Variants in SGCG observed in about 807,000 individuals in gnomAD.
SGCG encodes gamma-sarcoglycan.
SGCG carries 26 observed loss-of-function variants against 29.3 expected under a neutral mutation model. The observed-to-expected ratio is 0.89, with a 90% CI of 0.65 to 1.23. The LOEUF is 1.23. Ranked by LOEUF, SGCG falls within the 50% of genes most tolerant of loss-of-function variation. SGCG has a pLI of 0.00. For missense variants in SGCG, 353 were observed against 356.0 expected (o/e 0.99, Z 0.07); for synonymous variants, 145 against 129.7 (o/e 1.12, Z -0.80).
intron 4 of SGCG, among the ~76,000 whole-genome samples, chr13:23,261,362 G>A (rs1025650737): frequency 2.0e-5 from 3 of 151,936 alleles, no homozygotes; most frequent in Non-Finnish European, 4.4e-5. Flanking sequence ...ACTATAAAAT[G>A]CAGTGGAAAG....
At chr13:23,299,001 T>C (rs1327646190) in intron 6 of SGCG, among the ~76,000 whole-genome samples, 1 of 152,216 alleles carries the variant, frequency 6.6e-6, no homozygotes, top group Non-Finnish European at 1.5e-5. Context: ...ATTCACTGAA[T>C]GCTTTTGACT....
chr13:23,280,980 C>T (rs1018737072), intron 5 of SGCG, among the ~76,000 whole-genome samples: 1 of 152,114 alleles, frequency 6.6e-6, no homozygotes, highest in African/African-American at 2.4e-5. Context: ...AATTGATAAG[C>T]AACTGTATTA....
At chr13:23,172,860 A>G in the SGCG span, among the ~76,000 whole-genome samples, 4 of 152,228 alleles carry the variant, frequency 2.6e-5, no homozygotes, top group East Asian at 7.7e-4. Flanking sequence ...GTCCTGCAAG[A>G]AAGGAGGAAG....
At chr13:23,177,095 T>A (rs996371242), upstream of SGCG, among the ~76,000 whole-genome samples, 10 of 152,096 alleles carry the variant, frequency 6.6e-5, no homozygotes, top group Non-Finnish European at 7.3e-5. Context: ...CTGAAGGACA[T>A]CATGTTAAGT....
rs188568581 is a variant in SGCG at position 23,287,806 on chromosome 13, G to A, written c.506-7609G>A. On this transcript the variant is annotated intron_variant, in intron 5 of 7. Coordinates refer to ENST00000218867, the MANE Select transcript of SGCG (RefSeq NM_000231.3). ...GCGTCTTGCTCTGTGGCCAGGCTGG[G>A]TGTAGTGGCACGATCTCAGCTCACT... Among the ~76,000 whole-genome samples the A allele has an allele frequency of 4.1e-4, 62 of 152,150 alleles. 3 individuals carry two copies. In the East Asian group the frequency reaches 9.8e-3, roughly 24 times the overall value.
intron 6 of SGCG, among the ~76,000 whole-genome samples, chr13:23,313,521 A>G (rs879510223): frequency 5.3e-5 from 8 of 152,238 alleles, no homozygotes; most frequent in Admixed American, 5.2e-4. Context: ...TTAAGGTCAT[A>G]CATGTTTGAC....
At chr13:23,304,031 T>G (rs1882273742) in intron 6 of SGCG, among the ~76,000 whole-genome samples, 1 of 152,216 alleles carries the variant, frequency 6.6e-6, no homozygotes. Flanking sequence ...TTCATATGTT[T>G]AAAGGCCATT....
intron 6 of SGCG, among the ~76,000 whole-genome samples, chr13:23,314,033 T>A (rs1035984004): frequency 6.6e-6 from 1 of 152,142 alleles, no homozygotes; most frequent in African/African-American, 2.4e-5. Context: ...GGACTGGCTC[T>A]CCTTGCTCCT....
At chr13:23,190,267 T>C in intron 1 of SGCG, among the ~76,000 whole-genome samples, 1 of 152,164 alleles carries the variant, frequency 6.6e-6, no homozygotes, top group East Asian at 1.9e-4. Flanking sequence ...ATAGAGTTCT[T>C]CTGACTTGAT....
chr13:23,183,148 T>A (rs1408233648), intron 1 of SGCG, among the ~76,000 whole-genome samples: 1 of 152,198 alleles, frequency 6.6e-6, no homozygotes, highest in Non-Finnish European at 1.5e-5. Context: ...TCTTCATTTG[T>A]AAGGTGAGAG....
intron 6 of SGCG, among the ~76,000 whole-genome samples, chr13:23,316,138 C>CTG (rs1882800471): frequency 6.6e-6 from 1 of 152,196 alleles, no homozygotes; most frequent in Non-Finnish European, 1.5e-5. Flanking sequence ...GAGACCAACA[C>CTG]TGAGCCCTTG....
At chr13:23,313,887 G>C (rs889427925) in intron 6 of SGCG, among the ~76,000 whole-genome samples, 1 of 152,148 alleles carries the variant, frequency 6.6e-6, no homozygotes, top group African/African-American at 2.4e-5. Flanking sequence ...AATCTAATCA[G>C]CTGCCAGCGA....
chr13:23,277,136 A>G (rs1881108651), intron 4 of SGCG, among the ~76,000 whole-genome samples: 1 of 152,220 alleles, frequency 6.6e-6, no homozygotes, highest in Admixed American at 6.5e-5. Context: ...ACTATAGAAA[A>G]AAAATTGTCA....
At chr13:23,183,782 C>T (rs1744483347) in intron 1 of SGCG, among the ~76,000 whole-genome samples, 1 of 152,214 alleles carries the variant, frequency 6.6e-6, no homozygotes, top group Admixed American at 6.5e-5. Flanking sequence ...ATTCTTCTGC[C>T]TCAGCCTCCC....
chr13:23,280,899 A>G (rs1265840920), intron 5 of SGCG, among the ~76,000 whole-genome samples: 4 of 152,234 alleles, frequency 2.6e-5, no homozygotes, highest in African/African-American at 9.6e-5. Context: ...CAGAGAATCA[A>G]TAAGATGAAC....
At chr13:23,167,251 T>TA in the SGCG span, among the ~76,000 whole-genome samples, 1 of 152,358 alleles carries the variant, frequency 6.6e-6, no homozygotes, top group African/African-American at 2.4e-5. Context: ...TATGGCTGAA[T>TA]AGTACTCCAT....
chr13:23,258,896 C>A (rs1443586575), intron 4 of SGCG, among the ~76,000 whole-genome samples: 2 of 152,084 alleles, frequency 1.3e-5, no homozygotes, highest in African/African-American at 4.8e-5. Flanking sequence ...AGGGATGAAA[C>A]CAACTAGATC....
intron 6 of SGCG, among the ~76,000 whole-genome samples, chr13:23,296,881 C>T (rs1328726526): frequency 6.6e-6 from 1 of 152,076 alleles, no homozygotes. Flanking sequence ...ACTATTCATT[C>T]CAATAATATA....
chr13:23,188,768 C>T (rs1410595991), intron 1 of SGCG, among the ~76,000 whole-genome samples: 1 of 152,134 alleles, frequency 6.6e-6, no homozygotes, highest in African/African-American at 2.4e-5. Flanking sequence ...AATACTGCAG[C>T]CTAGCTCATG....
Sources: allele counts gnomAD v4.1 joint callset (sites outside exome capture counted in the v4.1 genomes callset), GRCh38; gene constraint gnomAD v4.1.1; transcripts MANE v1.5; gene names NCBI Gene and HGNC (gene_info 2026-07-23, HGNC 2026-07-21).